Variants in STXBP5L observed in about 807,000 individuals in gnomAD.
STXBP5L encodes syntaxin-binding protein 5-like.
Under a neutral mutation model 144.5 loss-of-function variants are expected in STXBP5L, and 65 were observed. The observed-to-expected ratio is 0.45, with a 90% CI of 0.37 to 0.55. The LOEUF (loss-of-function observed/expected upper bound fraction) is 0.55. Among genes scored for constraint, STXBP5L ranks in the 20% least tolerant of loss-of-function variants. STXBP5L has a pLI of 0.00. For missense variants in STXBP5L, 1,298 were observed against 1,405.5 expected (o/e 0.92, Z 1.22); for synonymous variants, 505 against 469.6 (o/e 1.08, Z -0.97).
In STXBP5L at chr3:121,084,061, C is replaced by A. The variant is rs542482879; in HGVS notation, c.471-30864C>A. 4.6e-4 allele frequency among the ~76,000 whole-genome samples: 69 copies of A among 151,614 alleles called. No individual in the cohort carries two copies. In the South Asian group the frequency reaches 8.1e-3, roughly 18 times the overall value. Reference sequence around the variant, plus strand: ...TTGTCATTCATTGATTATCTCTATTCTTTTTGTTTTCAATTTTGTTGATTT... The same window carrying A: ...TTGTCATTCATTGATTATCTCTATTATTTTTGTTTTCAATTTTGTTGATTT... On this transcript the variant is annotated intron_variant, in intron 5 of 26. Transcript: ENST00000471454.
chr3:121,178,801 C>A (rs1042262610), intron 9 of STXBP5L, among the ~76,000 whole-genome samples: 1 of 152,092 alleles, frequency 6.6e-6, no homozygotes, highest in Non-Finnish European at 1.5e-5. Context: ...GGAAGCCATC[C>A]CTGACTATAT....
At chr3:121,268,725 A>G (rs866639682) in intron 18 of STXBP5L, among the ~76,000 whole-genome samples, 1 of 152,040 alleles carries the variant, frequency 6.6e-6, no homozygotes, top group Non-Finnish European at 1.5e-5. Context: ...TAAACAATGA[A>G]TTTTCTATTT....
chr3:121,207,723 C>CAT (rs1054391429), intron 10 of STXBP5L, among the ~76,000 whole-genome samples: 4 of 152,140 alleles, frequency 2.6e-5, no homozygotes, highest in African/African-American at 9.7e-5. Context: ...CCAACAGACA[C>CAT]ATGAAAAAAT....
intron 24 of STXBP5L, among the ~76,000 whole-genome samples, chr3:121,415,120 G>A (rs1004056193): frequency 6.6e-6 from 1 of 152,116 alleles, no homozygotes; most frequent in African/African-American, 2.4e-5. Flanking sequence ...CCAATATTAG[G>A]TCACAGATCT....
intron 7 of STXBP5L, among the ~76,000 whole-genome samples, chr3:121,144,664 C>G (rs2045647877): frequency 6.6e-6 from 1 of 151,798 alleles, no homozygotes; most frequent in Admixed American, 6.6e-5. Flanking sequence ...AGAAATAAAT[C>G]ATAATATTTT....
chr3:121,100,482 C>T (rs2043361763), intron 5 of STXBP5L, among the ~76,000 whole-genome samples: 1 of 152,108 alleles, frequency 6.6e-6, no homozygotes, highest in African/African-American at 2.4e-5. Flanking sequence ...TAAAAACTTG[C>T]TCCCGATTGA....
intron 2 of STXBP5L, among the ~76,000 whole-genome samples, chr3:120,915,202 C>T (rs940589339): frequency 6.6e-6 from 1 of 151,930 alleles, no homozygotes; most frequent in Non-Finnish European, 1.5e-5. Flanking sequence ...ACATAATTTC[C>T]AAGTATGTTT....
At chr3:121,034,077 C>G (rs1004668006) in intron 3 of STXBP5L, among the ~76,000 whole-genome samples, 5 of 152,004 alleles carry the variant, frequency 3.3e-5, no homozygotes, top group Admixed American at 6.6e-5. Context: ...ATGCCACTCT[C>G]TAGGTAGCAA....
intron 14 of STXBP5L, among the ~76,000 whole-genome samples, chr3:121,243,099 T>C (rs940998989): frequency 8.5e-5 from 13 of 152,130 alleles, no homozygotes; most frequent in African/African-American, 3.1e-4. Flanking sequence ...CTTCACCTTT[T>C]TGAGGGAAAG....
At chr3:121,042,737 C>A (rs988842257) in intron 4 of STXBP5L, among the ~76,000 whole-genome samples, 1 of 152,100 alleles carries the variant, frequency 6.6e-6, no homozygotes, top group Non-Finnish European at 1.5e-5. Context: ...GTTCACTTTT[C>A]ACTTCTCTTG....
intron 22 of STXBP5L, among the ~76,000 whole-genome samples, chr3:121,403,919 A>C (rs1156250125): frequency 6.6e-6 from 1 of 152,088 alleles, no homozygotes; most frequent in African/African-American, 2.4e-5. Flanking sequence ...GTGGACTTAA[A>C]CCAGAATGCC....
At chr3:121,398,608 A>G (rs12629927) in intron 22 of STXBP5L, among the ~76,000 whole-genome samples, 20,534 of 151,914 alleles carry the variant, frequency 0.14, 1,889 homozygotes, top group East Asian at 0.5. Flanking sequence ...TGACTTGCTG[A>G]TTTTTTCTAC....
intron 20 of STXBP5L, among the ~76,000 whole-genome samples, chr3:121,370,484 C>T (rs536711100): frequency 6.6e-6 from 1 of 152,320 alleles, no homozygotes; most frequent in African/African-American, 2.4e-5. Flanking sequence ...GAAGCCTGTA[C>T]AGCCCGAAGA....
intron 5 of STXBP5L, among the ~76,000 whole-genome samples, chr3:121,090,825 C>T (rs561145290): frequency 9.2e-5 from 14 of 151,960 alleles, no homozygotes; most frequent in East Asian, 5.8e-4. Context: ...ATGTGCACAA[C>T]GTGCAGGTTA....
At chr3:121,114,573 G>C (rs960769329) in intron 5 of STXBP5L, among the ~76,000 whole-genome samples, 1 of 152,050 alleles carries the variant, frequency 6.6e-6, no homozygotes, top group Admixed American at 6.6e-5. Flanking sequence ...GAAAGGATTA[G>C]AATCCCGGTT....
At chr3:121,269,439 G>GTA (rs145713404) in intron 18 of STXBP5L, among the ~76,000 whole-genome samples, 36 of 149,546 alleles carry the variant, frequency 2.4e-4, no homozygotes, top group South Asian at 1.1e-3. Flanking sequence ...ATATATATAT[G>GTA]TATATATATA....
chr3:121,171,860 T>G (rs946010654), intron 9 of STXBP5L, among the ~76,000 whole-genome samples: 2 of 152,204 alleles, frequency 1.3e-5, no homozygotes, highest in African/African-American at 4.8e-5. Flanking sequence ...ACTTTAAGTT[T>G]CATATGGAAG....
chr3:121,020,257 G>C (rs964430338), intron 3 of STXBP5L, among the ~76,000 whole-genome samples: 2 of 152,084 alleles, frequency 1.3e-5, no homozygotes, highest in African/African-American at 4.8e-5. Flanking sequence ...CCTCCAAGAC[G>C]TTTGGGATGT....
At position 121,116,712 on chromosome 3, in the gene STXBP5L, ATAAT is replaced by A. The variant is rs369145967; in HGVS notation, c.605+1656_605+1659del. On this transcript the variant is annotated intron_variant, in intron 6 of 26. Transcript: ENST00000471454. ...ATTTCTAAAAACATTAATCCTATAA[ATAAT>A]TATGTTTCCCCCCAAAGTTACTTTA... Among the ~76,000 whole-genome samples, 373 of 152,130 alleles carry A rather than the reference ATAAT, an allele frequency of 2.5e-3. 1 individual carries two copies. The highest frequency in any genetic ancestry group is 8.0e-3 in the African/African-American group (333 of 41,552).
Sources: allele counts gnomAD v4.1 joint callset (sites outside exome capture counted in the v4.1 genomes callset), GRCh38; gene constraint gnomAD v4.1.1; transcripts MANE v1.5; gene names NCBI Gene and HGNC (gene_info 2026-07-23, HGNC 2026-07-21).